Variants in C8orf88 observed in about 807,000 individuals in gnomAD.
The protein encoded by C8orf88 is chromosome 8 open reading frame 88.
C8orf88 carries 14 observed loss-of-function variants against 18.4 expected under a neutral mutation model. The observed-to-expected ratio is 0.76, with a 90% CI of 0.50 to 1.19. C8orf88 has a LOEUF of 1.19. Among genes scored for constraint, C8orf88 ranks in the 50% most tolerant of loss-of-function variants. C8orf88 has a pLI of 0.00. For synonymous variants in C8orf88, 45 were observed against 42.9 expected, an observed-to-expected ratio of 1.05 and a Z score of -0.19; for missense variants, 116 against 134.7, an observed-to-expected ratio of 0.86 and a Z score of 0.69.
chr8:90,978,502 T>G, intron 3 of C8orf88, 77 bp downstream of exon 3: 1 of 792,274 alleles, frequency 1.3e-6, no homozygotes, highest in Non-Finnish European at 1.9e-6. Flanking sequence ...GCATAGTATC[T>G]GGCACACAAT....
At position 90,958,811 on chromosome 8, in the gene C8orf88, G is replaced by A; in HGVS notation, c.*196C>T. 1 of 427,522 alleles carries A rather than the reference G, an allele frequency of 2.3e-6. No individual in the cohort carries two copies. The highest frequency in any genetic ancestry group is 4.1e-6 in the Non-Finnish European group (1 of 242,254). The allele number at this position is 427,522 out of a possible 1,614,324, so 26.5% of individuals were successfully genotyped here. On this transcript the variant is annotated 3_prime_UTR_variant, in exon 6 of 6. Coordinates refer to ENST00000517562, the MANE Select transcript of C8orf88 (RefSeq NM_001190972.2). ...CAGTGTTACTTCCCAATTTATGCAG[G>A]AAACCTCCTGCAAAGCTGAAACTGA...
At chr8:90,970,886 T>TATTCTGGTCTCTCCTTGA (rs1262937142) in intron 4 of C8orf88, among the ~76,000 whole-genome samples, 180 bp downstream of exon 4, 1 of 152,094 alleles carries the variant, frequency 6.6e-6, no homozygotes, top group Non-Finnish European at 1.5e-5. Context: ...TAAGCCATTG[T>TATTCTGGTCTCTCCTTGA]ATTCTGGTCT....
intron 4 of C8orf88, among the ~76,000 whole-genome samples, chr8:90,962,899 G>A (rs1348175894): frequency 1.1e-4 from 16 of 151,428 alleles, no homozygotes; most frequent in Admixed American, 9.3e-4. Flanking sequence ...AAAAAGTTTC[G>A]GAGGAAAAAC....
chr8:90,978,473 A>G, intron 3 of C8orf88, 106 bp downstream of exon 3: 1 of 518,138 alleles, frequency 1.9e-6, no homozygotes, highest in Non-Finnish European at 3.1e-6. Flanking sequence ...ATGTACATAA[A>G]TTTTTATAAA....
chr8:90,978,932 C>A (rs1811392149), intron 2 of C8orf88, among the ~76,000 whole-genome samples: 1 of 152,090 alleles, frequency 6.6e-6, no homozygotes, highest in Non-Finnish European at 1.5e-5. Flanking sequence ...AAGCAGTATG[C>A]TTATTGAGAG....
In C8orf88 at chr8:90,984,172, C is replaced by T. The variant is rs987535826; in HGVS notation, c.-27+942G>A. Reference sequence around the variant, plus strand: ...TAGTCTTCTTTGGAAAGTACTGATGCTACCGCTGCCGTTGAGAAATAAGAT... The same window carrying T: ...TAGTCTTCTTTGGAAAGTACTGATGTTACCGCTGCCGTTGAGAAATAAGAT... On this transcript the variant is annotated intron_variant, in intron 1 of 5. Coordinates refer to ENST00000517562, the MANE Select transcript of C8orf88 (RefSeq NM_001190972.2). Among the ~76,000 whole-genome samples, 8 of 152,212 alleles carry T rather than the reference C, an allele frequency of 5.3e-5. No homozygotes were observed. In the East Asian group the frequency reaches 1.2e-3, roughly 22 times the overall value.
At chr8:90,982,029 A>G (rs962229715) in intron 1 of C8orf88, among the ~76,000 whole-genome samples, 1 of 152,164 alleles carries the variant, frequency 6.6e-6, no homozygotes, top group African/African-American at 2.4e-5. Flanking sequence ...CAAATGTTAA[A>G]ATTATAAACT....
At chr8:90,971,543 G>C (rs1811283584) in intron 3 of C8orf88, among the ~76,000 whole-genome samples, 1 of 151,888 alleles carries the variant, frequency 6.6e-6, no homozygotes, top group Non-Finnish European at 1.5e-5. Flanking sequence ...TTTAATTTCT[G>C]AAGTAGAGAC....
chr8:90,978,906 TATA>T (rs1811391766), intron 2 of C8orf88, among the ~76,000 whole-genome samples: 3 of 152,178 alleles, frequency 2.0e-5, no homozygotes, highest in Non-Finnish European at 4.4e-5. Context: ...ACATAATGAT[TATA>T]ATACAATTTG....
intron 4 of C8orf88, among the ~76,000 whole-genome samples, chr8:90,966,057 AAAC>A (rs903790099): frequency 2.0e-5 from 3 of 151,772 alleles, no homozygotes; most frequent in African/African-American, 7.3e-5. Flanking sequence ...GAGACTATAA[AAAC>A]AACAGAGAAA....
At chr8:90,964,499 T>C (rs2130303366) in intron 4 of C8orf88, among the ~76,000 whole-genome samples, 1 of 151,748 alleles carries the variant, frequency 6.6e-6, no homozygotes, top group South Asian at 2.1e-4. Context: ...TGTAAACTTG[T>C]CTTACAAGAA....
At chr8:90,963,254 C>T (rs1476090755) in intron 4 of C8orf88, among the ~76,000 whole-genome samples, 1 of 151,498 alleles carries the variant, frequency 6.6e-6, no homozygotes, top group Non-Finnish European at 1.5e-5. Flanking sequence ...TCATGCATGA[C>T]AAAGAATATA....
intron 3 of C8orf88, among the ~76,000 whole-genome samples, chr8:90,977,310 C>T (rs1266841008): frequency 1.3e-5 from 2 of 152,230 alleles, no homozygotes; most frequent in East Asian, 3.9e-4. Flanking sequence ...AAATCAGAGC[C>T]CCTGTTCATA....
At chr8:90,983,764 C>A (rs1372105125) in intron 1 of C8orf88, among the ~76,000 whole-genome samples, 1 of 152,078 alleles carries the variant, frequency 6.6e-6, no homozygotes, top group Non-Finnish European at 1.5e-5. Context: ...TGCCCAAGTC[C>A]ACATAGCTAC....
At chr8:90,980,949 T>A (rs1248035440) in intron 1 of C8orf88, among the ~76,000 whole-genome samples, 3 of 152,140 alleles carry the variant, frequency 2.0e-5, no homozygotes, top group African/African-American at 7.2e-5. Flanking sequence ...CTCTTCTAAC[T>A]TCCTTAGCTG....
chr8:90,980,400 T>C lies in C8orf88; in HGVS notation c.36A>G (p.Gln12=), dbSNP rs1416914708. ...ETKKLIGKPL[Q]PARPVRHLTS... ...TCAGATGACGAACAGGTCTTGCTGGTTGAAGCGGTTTACCAATTAATTTTT... is the reference window on the plus strand; with the variant it reads ...TCAGATGACGAACAGGTCTTGCTGGCTGAAGCGGTTTACCAATTAATTTTT... Residue 12 remains glutamine (Q), a synonymous_variant, in exon 2 of 6, where the codon CAA becomes CAG. Transcript: ENST00000517562. The C allele has an allele frequency of 1.3e-6, 2 of 1,534,026 alleles. No homozygotes were observed. Among genetic ancestry groups the C allele is most frequent in the East Asian group, 2.4e-5 (1 of 40,818 alleles).
chr8:90,970,673 CT>C (rs1811269697), intron 4 of C8orf88, among the ~76,000 whole-genome samples: 1 of 152,028 alleles, frequency 6.6e-6, no homozygotes. Context: ...CCCTTTCCTC[CT>C]TCCTAATGGC....
chr8:90,959,298 G>A, intron 5 of C8orf88: 1 of 205,366 alleles, frequency 4.9e-6, no homozygotes, highest in Non-Finnish European at 9.7e-6. Flanking sequence ...ATGTATTAAT[G>A]TGTAAATCAC....
chr8:90,983,000 A>G (rs1341836423), intron 1 of C8orf88, among the ~76,000 whole-genome samples: 3 of 152,166 alleles, frequency 2.0e-5, no homozygotes, highest in African/African-American at 7.2e-5. Context: ...ACTGCACTAC[A>G]AAGTCATTAT....
Sources: allele counts gnomAD v4.1 joint callset (sites outside exome capture counted in the v4.1 genomes callset), GRCh38; gene constraint gnomAD v4.1.1; transcripts MANE v1.5; gene names NCBI Gene and HGNC (gene_info 2026-07-23, HGNC 2026-07-21).